DCLK2: variants seen among roughly 807,000 people sequenced by gnomAD.
DCLK2 encodes the protein serine/threonine-protein kinase DCLK2.
In DCLK2, 31 loss-of-function variants were observed where a neutral mutation model predicts 78.4. The observed-to-expected ratio is 0.40, with a 90% confidence interval of 0.30 to 0.53. The LOEUF (loss-of-function observed/expected upper bound fraction) is 0.53. Ranked by LOEUF, DCLK2 falls within the 20% of genes least tolerant of loss-of-function variation. The probability of loss-of-function intolerance (pLI) is 0.61; values close to 1 mark genes in which losing one functional copy is unlikely to be tolerated. For synonymous variants in DCLK2, 407 were observed against 374.9 expected (o/e 1.09, Z -0.99); for missense variants, 872 against 973.7 (o/e 0.90, Z 1.39).
At chr4:150,146,779 T>C (rs940501640) in intron 2 of DCLK2, among the ~76,000 whole-genome samples, 1 of 152,192 alleles carries the variant, frequency 6.6e-6, no homozygotes, top group African/African-American at 2.4e-5. Context: ...GTTTAAATGC[T>C]TAAAATGTGG....
intron 2 of DCLK2, among the ~76,000 whole-genome samples, chr4:150,135,631 A>G (rs79301080): frequency 0.07 from 10,637 of 152,288 alleles, 444 homozygotes; most frequent in South Asian, 0.1. Flanking sequence ...CACACTTAGC[A>G]GGGAAAGCCA....
chr4:150,230,885 C>G (rs945311095), intron 8 of DCLK2, among the ~76,000 whole-genome samples: 2 of 152,230 alleles, frequency 1.3e-5, no homozygotes, highest in Admixed American at 6.5e-5. Context: ...GATTTTGAAG[C>G]GTTTGTTGAG....
At chr4:150,117,001 A>G (rs550536639) in intron 2 of DCLK2, among the ~76,000 whole-genome samples, 47 of 152,296 alleles carry the variant, frequency 3.1e-4, no homozygotes, top group African/African-American at 8.7e-4. Context: ...GGGCAGTGCC[A>G]TAAGGCTTCC....
chr4:150,112,666 A>G (rs1731773404), intron 2 of DCLK2, among the ~76,000 whole-genome samples: 1 of 151,860 alleles, frequency 6.6e-6, no homozygotes, highest in African/African-American at 2.4e-5. Flanking sequence ...CTTTTATTGA[A>G]TGCTTTTTCT....
At position 150,175,116 on chromosome 4, in the gene DCLK2, AT is replaced by A. The variant is rs1348245109; in HGVS notation, c.757-18016del. Among the ~76,000 whole-genome samples the A allele has an allele frequency of 5.4e-3, 489 of 91,328 alleles. 36 individuals are homozygous for A. Among genetic ancestry groups the A allele is most frequent in the African/African-American group, 0.014 (218 of 15,270 alleles). 59.9% of individuals were successfully genotyped at this position (91,328 alleles called of 152,430 possible). On this transcript the variant is annotated intron_variant, in intron 2 of 15. Coordinates refer to ENST00000296550, the MANE Select transcript of DCLK2 (RefSeq NM_001040260.4). ...TATTTATATATATTTATATATTTAT[AT>A]TTTTTATATATATATAATTTATGTA...
intron 12 of DCLK2, among the ~76,000 whole-genome samples, chr4:150,244,174 G>A (rs1432771633): frequency 6.6e-6 from 1 of 152,014 alleles, no homozygotes. Flanking sequence ...GCCTCAGGCA[G>A]TCCTCCCACT....
intron 2 of DCLK2, among the ~76,000 whole-genome samples, chr4:150,132,954 C>T (rs1733428296): frequency 1.3e-5 from 2 of 152,156 alleles, no homozygotes; most frequent in African/African-American, 4.8e-5. Flanking sequence ...AGTCAATATA[C>T]AAGCTTGTTT....
intron 1 of DCLK2, among the ~76,000 whole-genome samples, chr4:150,101,587 G>T (rs1560772540): frequency 6.6e-6 from 1 of 151,996 alleles, no homozygotes; most frequent in Admixed American, 6.6e-5. Context: ...AAAGTCAAGA[G>T]TATAAAAACC....
chr4:150,104,214 A>G (rs1731077697), intron 2 of DCLK2, among the ~76,000 whole-genome samples: 1 of 151,838 alleles, frequency 6.6e-6, no homozygotes, highest in Admixed American at 6.6e-5. Flanking sequence ...CATTCAGGGA[A>G]AATATAGGTG....
At chr4:150,213,766 A>T (rs1740482515) in intron 5 of DCLK2, among the ~76,000 whole-genome samples, 2 of 152,230 alleles carry the variant, frequency 1.3e-5, no homozygotes, top group Admixed American at 1.3e-4. Context: ...CATGTTCTAG[A>T]TATACCATAG....
intron 5 of DCLK2, among the ~76,000 whole-genome samples, chr4:150,210,513 G>C (rs955982884): frequency 2.0e-5 from 3 of 152,034 alleles, no homozygotes; most frequent in Admixed American, 2.0e-4. Flanking sequence ...GACTCTACTA[G>C]GAACAGATTA....
Position 150,233,160 on chromosome 4 carries a change from C to T in DCLK2, c.1566+332C>T, listed in dbSNP as rs144695128. The stretch of plus-strand genomic sequence containing the variant: ...GGAGACTTACAATCATGGCGGAAGG[C>T]GAAGGGGAAGCAAGCACCTTCTTCA... On this transcript the variant is annotated intron_variant, in intron 10 of 15. Transcript: ENST00000296550. 1.7e-3 allele frequency among the ~76,000 whole-genome samples: 255 copies of T among 152,188 alleles called. 1 individual carries two copies. Among genetic ancestry groups the T allele is most frequent in the African/African-American group, 5.9e-3 (245 of 41,528 alleles).
rs373394109 is a variant in DCLK2, at chr4:150,243,179, G to A, written c.1778+2703G>A. Among the ~76,000 whole-genome samples the A allele has an allele frequency of 2.0e-3, 306 of 152,292 alleles. 1 individual carries two copies. The highest frequency in any genetic ancestry group is 4.6e-3 in the African/African-American group (192 of 41,556). On this transcript the variant is annotated intron_variant, in intron 12 of 15. Transcript: ENST00000296550. ...GATGCATTTATCATGGATTGATACTGAACGGGGAGCAGCTTTTTTGTGGGG... is the reference window on the plus strand; with the variant it reads ...GATGCATTTATCATGGATTGATACTAAACGGGGAGCAGCTTTTTTGTGGGG...
chr4:150,240,894 G>C (rs1580782834), intron 12 of DCLK2, among the ~76,000 whole-genome samples: 1 of 151,898 alleles, frequency 6.6e-6, no homozygotes, highest in African/African-American at 2.4e-5. Context: ...TTTGTGTTTG[G>C]TTGGTCCTCT....
chr4:150,212,752 A>T (rs1188022184), intron 5 of DCLK2, among the ~76,000 whole-genome samples: 1 of 152,232 alleles, frequency 6.6e-6, no homozygotes, highest in African/African-American at 2.4e-5. Context: ...TTTACCAAGT[A>T]AATCAGTGTA....
chr4:150,252,325 TAAG>T (rs1744234418), intron 15 of DCLK2, among the ~76,000 whole-genome samples: 1 of 152,192 alleles, frequency 6.6e-6, no homozygotes, highest in Non-Finnish European at 1.5e-5. Flanking sequence ...GAAAAAACCT[TAAG>T]AAGAGAGATT....
intron 2 of DCLK2, among the ~76,000 whole-genome samples, chr4:150,179,306 G>C (rs1449686443): frequency 6.6e-6 from 1 of 152,132 alleles, no homozygotes; most frequent in Non-Finnish European, 1.5e-5. Flanking sequence ...GAGATTACAG[G>C]TGTGAGCCAC....
intron 2 of DCLK2, among the ~76,000 whole-genome samples, chr4:150,103,207 G>C (rs1169283378): frequency 6.6e-6 from 1 of 152,068 alleles, no homozygotes; most frequent in Non-Finnish European, 1.5e-5. Flanking sequence ...AAAATTAAAA[G>C]TATTTAACAT....
intron 7 of DCLK2, among the ~76,000 whole-genome samples, chr4:150,224,173 T>A (rs967384540): frequency 6.6e-6 from 1 of 152,162 alleles, no homozygotes; most frequent in African/African-American, 2.4e-5. Context: ...GTTTTTGTTT[T>A]TAATTTTTTG....
Sources: gnomAD v4.1 joint callset for allele counts (sites outside exome capture counted in the v4.1 genomes callset) on GRCh38, gnomAD v4.1.1 for gene constraint, MANE v1.5 for transcripts, NCBI Gene and HGNC (gene_info 2026-07-23, HGNC 2026-07-21) for gene names.